SPECC1L: variants seen among roughly 807,000 people sequenced by gnomAD.
SPECC1L encodes sperm antigen with calponin homology and coiled-coil domains 1 like.
A neutral mutation model predicts 116.8 loss-of-function variants in SPECC1L; 40 were observed. The ratio of observed to expected loss-of-function variants is 0.34; its 90% CI spans 0.27 to 0.45. SPECC1L has a LOEUF of 0.45. Among genes scored for constraint, SPECC1L ranks in the 20% least tolerant of loss-of-function variants. SPECC1L has a pLI of 1.00. For missense variants in SPECC1L, 1,110 were observed against 1,373.6 expected (o/e 0.81, Z 3.03); for synonymous variants, 504 against 500.6 (o/e 1.01, Z -0.09).
chr22:24,298,546 A>G (rs968046948), intron 2 of SPECC1L, among the ~76,000 whole-genome samples: 12 of 152,112 alleles, frequency 7.9e-5, no homozygotes, highest in Admixed American at 1.3e-4. Context: ...AGATCCAGGA[A>G]AGCTGATGGT....
chr22:24,360,583 T>A (rs1370659381), intron 11 of SPECC1L, among the ~76,000 whole-genome samples: 7 of 152,028 alleles, frequency 4.6e-5, no homozygotes, highest in Non-Finnish European at 1.0e-4. Flanking sequence ...GTGCTTATAG[T>A]GTGTATTGTA....
At chr22:24,303,827 T>C (rs1429443447) in intron 3 of SPECC1L, among the ~76,000 whole-genome samples, 1 of 147,124 alleles carries the variant, frequency 6.8e-6, no homozygotes, top group Non-Finnish European at 1.5e-5. Context: ...CTCTGCTGCA[T>C]TAACAAGTTT....
rs576504397 is a variant in SPECC1L, at chr22:24,274,948, C to T, written c.-141-1752C>T. On this transcript the variant is annotated intron_variant, in intron 1 of 16. Transcript: ENST00000314328. The stretch of plus-strand genomic sequence containing the variant: ...CCTCTGCTGGAATATTCTTCTCTCA[C>T]TTCATCTGATCATTGCCTTCAAAAC... Among the ~76,000 whole-genome samples the T allele has an allele frequency of 3.8e-4, 58 of 152,332 alleles. 2 individuals carry two copies. The South Asian group carries it at 0.011, about 29-fold the overall frequency.
chr22:24,395,309 T>C (rs1183066375), intron 14 of SPECC1L, among the ~76,000 whole-genome samples: 1 of 152,280 alleles, frequency 6.6e-6, no homozygotes, highest in East Asian at 1.9e-4. Context: ...CCCAATACGA[T>C]GTGAGGTATG....
chr22:24,362,586 C>T (rs1257763128), intron 11 of SPECC1L, among the ~76,000 whole-genome samples: 2 of 152,174 alleles, frequency 1.3e-5, no homozygotes, highest in Non-Finnish European at 2.9e-5. Context: ...CCTTTAAAGC[C>T]CCTTTCCCTG....
At chr22:24,293,485 CAG>C (rs2049197350) in intron 2 of SPECC1L, among the ~76,000 whole-genome samples, 2 of 152,030 alleles carry the variant, frequency 1.3e-5, no homozygotes, top group Non-Finnish European at 2.9e-5. Context: ...AAAAAGAGAA[CAG>C]TAGCTTAGCA....
intron 11 of SPECC1L, among the ~76,000 whole-genome samples, chr22:24,355,017 A>G (rs1416236929): frequency 6.7e-6 from 1 of 148,886 alleles, no homozygotes; most frequent in Non-Finnish European, 1.5e-5. Context: ...GCAGTGGCTC[A>G]TGCCTGTAAT....
intron 15 of SPECC1L, chr22:24,412,349 T>G: frequency 1.3e-5 from 6 of 471,948 alleles, no homozygotes; most frequent in East Asian, 4.2e-5. Flanking sequence ...CTAACTAGCT[T>G]TTGGGGGTGC....
At chr22:24,390,874 T>TTTTTTTTTTTC (rs2042255883) in intron 14 of SPECC1L, among the ~76,000 whole-genome samples, 1 of 63,968 alleles carries the variant, frequency 1.6e-5, no homozygotes, top group Non-Finnish European at 3.3e-5. Context: ...TTTCTTTTCT[T>TTTTTTTTTTTC]TTTTTTTTTT....
chr22:24,392,099 A>G (rs1279838600), intron 14 of SPECC1L, among the ~76,000 whole-genome samples: 2 of 152,164 alleles, frequency 1.3e-5, no homozygotes, highest in African/African-American at 4.8e-5. Flanking sequence ...CTTGCCTAAG[A>G]CCATACAATT....
chr22:24,380,820 T>TA (rs1197068407), intron 14 of SPECC1L, among the ~76,000 whole-genome samples: 1 of 152,242 alleles, frequency 6.6e-6, no homozygotes, highest in Non-Finnish European at 1.5e-5. Flanking sequence ...GGGCATTATG[T>TA]AACCAGCTTT....
rs192293099 is a variant in SPECC1L at position 24,306,304 on chromosome 22, T to C, written c.153+3920T>C. On this transcript the variant is annotated intron_variant, in intron 3 of 16. Coordinates refer to ENST00000314328, the MANE Select transcript of SPECC1L (RefSeq NM_015330.6). ...CCATTTTTCCGTTGTCTTTTTTTTT[T>C]CCAAACTTTTTTTTTTATTGTGGAA... is the stretch of plus-strand genomic sequence containing the variant. Among the ~76,000 whole-genome samples, 1,124 of 152,194 alleles carry C rather than the reference T, an allele frequency of 7.4e-3. 7 individuals are homozygous for C. Among genetic ancestry groups the C allele is most frequent in the South Asian group, 0.012 (60 of 4,820 alleles).
chr22:24,391,983 C>A (rs552846665), intron 14 of SPECC1L, among the ~76,000 whole-genome samples: 32 of 152,236 alleles, frequency 2.1e-4, no homozygotes, highest in African/African-American at 7.7e-4. Context: ...GAATCAGCAC[C>A]CACATTCCAT....
intron 13 of SPECC1L, among the ~76,000 whole-genome samples, chr22:24,368,563 C>A (rs982172354): frequency 6.6e-6 from 1 of 152,222 alleles, no homozygotes; most frequent in Non-Finnish European, 1.5e-5. Context: ...TAGAATCCTG[C>A]ACCTTGCATA....
intron 2 of SPECC1L, among the ~76,000 whole-genome samples, chr22:24,293,314 G>T (rs1420731056): frequency 2.6e-5 from 4 of 152,166 alleles, no homozygotes; most frequent in African/African-American, 9.6e-5. Context: ...TTAACGGGGC[G>T]TGGTGGTACG....
chr22:24,322,794 T>C lies in SPECC1L; in HGVS notation c.1814T>C (p.Ile605Thr). 6.3e-7 allele frequency: 1 copy of C among 1,591,968 alleles called. No homozygotes were observed. ...SIHNSGDKSD[I>T]QDLLESVRLD... is the part of the protein sequence containing the mutation. ...CATAACTCTGGAGACAAATCTGATA[T>C]TCAGGACCTCCTGGAGAGTGTCAGG... Residue 605 changes from isoleucine to threonine, a missense_variant, in exon 5 of 17, where the codon ATT becomes ACT. Ile to Thr is a moderately conservative substitution (Grantham distance 89). Around this residue, in one of 4 missense-constraint regions of SPECC1L, gnomAD observed 575 missense variants for 682.4 expected, o/e 0.84. Coordinates refer to ENST00000314328, the MANE Select transcript of SPECC1L (RefSeq NM_015330.6).
At chr22:24,384,282 A>G (rs1601322802) in intron 14 of SPECC1L, among the ~76,000 whole-genome samples, 1 of 152,232 alleles carries the variant, frequency 6.6e-6, no homozygotes. Context: ...AATGGGATCA[A>G]CAGCCGATTT....
intron 11 of SPECC1L, among the ~76,000 whole-genome samples, chr22:24,350,040 T>G (rs1221980545): frequency 6.6e-6 from 1 of 152,182 alleles, no homozygotes; most frequent in Admixed American, 6.5e-5. Context: ...TTGCTCACCC[T>G]GCCTCACCAC....
At chr22:24,384,781 A>G (rs918721146) in intron 14 of SPECC1L, among the ~76,000 whole-genome samples, 5 of 152,290 alleles carry the variant, frequency 3.3e-5, no homozygotes, top group Middle Eastern at 3.4e-3. Flanking sequence ...CTTAATATAG[A>G]AAAAGAGAAT....
Sources: gnomAD v4.1 joint callset for allele counts (sites outside exome capture counted in the v4.1 genomes callset) on GRCh38, gnomAD v4.1.1 for gene constraint, gnomAD v4.1.1 regional missense constraint, MANE v1.5 for transcripts, NCBI Gene and HGNC (gene_info 2026-07-23, HGNC 2026-07-21) for gene names.